Variants in IGF2BP3 observed in about 807,000 individuals in gnomAD.
The protein encoded by IGF2BP3 is insulin like growth factor 2 mRNA binding protein 3, also known as insulin-like growth factor 2 mRNA-binding protein 3.
A neutral mutation model predicts 73.8 loss-of-function variants in IGF2BP3; 9 were observed. The ratio of observed to expected loss-of-function variants is 0.12; its 90% CI spans 0.07 to 0.21. The LOEUF (loss-of-function observed/expected upper bound fraction) is 0.21, where lower values mean the gene tolerates loss of function less well. Ranked by LOEUF, IGF2BP3 falls within the 10% of genes least tolerant of loss-of-function variation. IGF2BP3 has a pLI of 1.00. For synonymous variants in IGF2BP3, 258 were observed against 256.7 expected (o/e 1.01, Z -0.05); for missense variants, 542 against 714.0 (o/e 0.76, Z 2.75).
chr7:23,418,286 T>G (rs1376154956), intron 3 of IGF2BP3, among the ~76,000 whole-genome samples: 1 of 152,232 alleles, frequency 6.6e-6, no homozygotes, highest in Non-Finnish European at 1.5e-5. Flanking sequence ...TATTATGCTT[T>G]GGAAACTGCT....
chr7:23,436,648 G>A (rs1455237756), intron 2 of IGF2BP3, among the ~76,000 whole-genome samples: 1 of 152,138 alleles, frequency 6.6e-6, no homozygotes, highest in Non-Finnish European at 1.5e-5. Context: ...TGGTAGTAAA[G>A]AGATGTTAAA....
At position 23,319,736 on chromosome 7, in the gene IGF2BP3, G is replaced by A. The variant is rs156412; in HGVS notation, c.1204-482C>T. Among the ~76,000 whole-genome samples the A allele has an allele frequency of 5.5e-3, 835 of 152,260 alleles. 5 individuals carry two copies. The highest frequency in any genetic ancestry group is 0.019 in the African/African-American group (787 of 41,556). On this transcript the variant is annotated intron_variant, in intron 10 of 14. Transcript: ENST00000258729. Reference sequence around the variant, plus strand: ...AACACATACACAGTGAAGTGTTTAAGAGAAAAGCTGAATTTTGTTACATAT... The same window carrying A: ...AACACATACACAGTGAAGTGTTTAAAAGAAAAGCTGAATTTTGTTACATAT...
rs1788689699 is a variant in IGF2BP3 at position 23,470,398 on chromosome 7, G to A, written c.-288C>T. ...TCTTAGGAGGAGGCGGGATTAGCAA[G>A]AGAAAGGAGGAGGAGGAGGGGAAAA... is the stretch of plus-strand genomic sequence containing the variant. On this transcript the variant is annotated 5_prime_UTR_variant, in exon 1 of 15. Transcript: ENST00000258729. 3 of 218,052 alleles carry A rather than the reference G, an allele frequency of 1.4e-5. No individual in the cohort carries two copies. The highest frequency in any genetic ancestry group is 2.3e-5 in the African/African-American group (1 of 43,720). 13.5% of individuals were successfully genotyped at this position (218,052 alleles called of 1,614,324 possible).
At chr7:23,335,575 C>T (rs917878652) in intron 10 of IGF2BP3, among the ~76,000 whole-genome samples, 1 of 152,042 alleles carries the variant, frequency 6.6e-6, no homozygotes, top group Non-Finnish European at 1.5e-5. Context: ...CCGCGCCTGG[C>T]CCTTTGTTTC....
At chr7:23,336,444 A>AT (rs74274531) in intron 10 of IGF2BP3, among the ~76,000 whole-genome samples, 1,718 of 143,284 alleles carry the variant, frequency 0.012, 13 homozygotes, top group Admixed American at 0.032. Context: ...TTTCTAAACC[A>AT]TTTTTTTTTT....
intron 3 of IGF2BP3, among the ~76,000 whole-genome samples, chr7:23,375,131 A>C (rs1785679165): frequency 6.6e-6 from 1 of 152,176 alleles, no homozygotes; most frequent in Non-Finnish European, 1.5e-5. Context: ...AATCCATCTT[A>C]TTTATGCCTC....
intron 2 of IGF2BP3, among the ~76,000 whole-genome samples, chr7:23,438,321 C>G (rs1316912836): frequency 1.3e-5 from 2 of 152,160 alleles, no homozygotes; most frequent in African/African-American, 4.8e-5. Flanking sequence ...TCCATGTTAG[C>G]CAGGCTGGTC....
intron 2 of IGF2BP3, among the ~76,000 whole-genome samples, chr7:23,464,529 T>C (rs1788519530): frequency 6.6e-6 from 1 of 151,648 alleles, no homozygotes; most frequent in South Asian, 2.1e-4. Context: ...AAGATCTTAC[T>C]CTAAATTAGC....
chr7:23,344,918 A>T (rs1040931122), intron 8 of IGF2BP3, among the ~76,000 whole-genome samples: 2 of 152,262 alleles, frequency 1.3e-5, no homozygotes, highest in Admixed American at 6.5e-5. Flanking sequence ...TTACAGTTTT[A>T]AAAATAGCTG....
In IGF2BP3 at chr7:23,468,134, C is replaced by T. The variant is rs527629193; in HGVS notation, c.236+348G>A. On this transcript the variant is annotated intron_variant, in intron 2 of 14. Coordinates refer to ENST00000258729, the MANE Select transcript of IGF2BP3 (RefSeq NM_006547.3). ...GCTCCTGGAGGGGTGGGGGAATCAT[C>T]CGCTGCTTCCCAAGCCCTGCAAACC... Among the ~76,000 whole-genome samples, 4 of 152,346 alleles carry T rather than the reference C, an allele frequency of 2.6e-5. No homozygotes were observed. In the East Asian group the frequency reaches 7.7e-4, roughly 29 times the overall value.
chr7:23,437,077 C>A (rs979427238), intron 2 of IGF2BP3, among the ~76,000 whole-genome samples: 1 of 151,770 alleles, frequency 6.6e-6, no homozygotes, highest in South Asian at 2.1e-4. Flanking sequence ...TGAGATCGTG[C>A]GACTGCACTC....
At chr7:23,360,725 G>A (rs1785203774) in intron 5 of IGF2BP3, among the ~76,000 whole-genome samples, 1 of 152,208 alleles carries the variant, frequency 6.6e-6, no homozygotes, top group African/African-American at 2.4e-5. Flanking sequence ...GTCAGCCAGT[G>A]TGGTCTTTTC....
rs1256069936 is a variant in IGF2BP3, at chr7:23,311,861, T to C, written c.*501A>G. On this transcript the variant is annotated 3_prime_UTR_variant, in exon 15 of 15. Transcript: ENST00000258729. ...ACACCATTCAGCACTTCCCTTAGGT[T>C]ACTCATGTTAGTGTTAGGTAAAAAT... 1 of 153,914 alleles carries C rather than the reference T, an allele frequency of 6.5e-6. No homozygotes were observed. The highest frequency in any genetic ancestry group is 1.5e-5 in the Non-Finnish European group (1 of 68,908). 9.5% of individuals were successfully genotyped at this position (153,914 alleles called of 1,614,324 possible).
rs975585163 is a variant in IGF2BP3 at position 23,312,258 on chromosome 7, A to C, written c.*104T>G. On this transcript the variant is annotated 3_prime_UTR_variant, in exon 15 of 15. Coordinates refer to ENST00000258729, the MANE Select transcript of IGF2BP3 (RefSeq NM_006547.3). ...CTCAGAAACAACTGGCTAGGTAAAA[A>C]CTTGTGCATGTGATTCTGGATAGGG... The C allele has an allele frequency of 2.0e-4, 167 of 837,670 alleles. No homozygotes were observed. The highest frequency in any genetic ancestry group is 3.0e-4 in the Non-Finnish European group (152 of 498,892). 51.9% of individuals were successfully genotyped at this position (837,670 alleles called of 1,614,324 possible).
chr7:23,395,071 A>G (rs557315675), intron 3 of IGF2BP3, among the ~76,000 whole-genome samples: 173 of 152,326 alleles, frequency 1.1e-3, no homozygotes, highest in African/African-American at 2.8e-3. Flanking sequence ...TGGCATCTGG[A>G]GGCACAGCCT....
At chr7:23,384,421 C>A (rs1478272592) in intron 3 of IGF2BP3, among the ~76,000 whole-genome samples, 1 of 152,150 alleles carries the variant, frequency 6.6e-6, no homozygotes, top group East Asian at 1.9e-4. Context: ...CTGATTTGTA[C>A]ACTTTAAATG....
At chr7:23,320,217 T>C (rs529515264) in intron 10 of IGF2BP3, among the ~76,000 whole-genome samples, 1 of 152,322 alleles carries the variant, frequency 6.6e-6, no homozygotes, top group South Asian at 2.1e-4. Flanking sequence ...CAGCCCCCTT[T>C]GCATTTTATA....
intron 3 of IGF2BP3, among the ~76,000 whole-genome samples, chr7:23,417,865 C>G (rs1168485369): frequency 6.6e-6 from 1 of 152,138 alleles, no homozygotes; most frequent in Non-Finnish European, 1.5e-5. Flanking sequence ...GCAATATATT[C>G]AGCATATACC....
intron 10 of IGF2BP3, among the ~76,000 whole-genome samples, chr7:23,320,962 A>G (rs1583879418): frequency 1.4e-5 from 2 of 145,988 alleles, no homozygotes; most frequent in African/African-American, 2.7e-5. Context: ...AAAAAAAAAA[A>G]AAAAAAAGAA....
Sources: allele counts gnomAD v4.1 joint callset (sites outside exome capture counted in the v4.1 genomes callset), GRCh38; gene constraint gnomAD v4.1.1; transcripts MANE v1.5; gene names NCBI Gene and HGNC (gene_info 2026-07-23, HGNC 2026-07-21).